CALN1: variants seen among roughly 807,000 people sequenced by gnomAD.
CALN1 encodes the protein calneuron 1.
CALN1 carries 17 observed loss-of-function variants against 30.6 expected under a neutral mutation model. That is an observed-to-expected ratio of 0.56 (90% CI 0.38 to 0.83). The LOEUF (loss-of-function observed/expected upper bound fraction) is 0.83. CALN1 is among the 40% of genes least tolerant of loss of function. The probability of loss-of-function intolerance (pLI) is 0.00; values close to 1 mark genes in which losing one functional copy is unlikely to be tolerated. For synonymous variants in CALN1, 156 were observed against 131.4 expected (o/e 1.19, Z -1.28); for missense variants, 291 against 354.9 (o/e 0.82, Z 1.45).
Position 71,787,807 on chromosome 7 carries a change from C to T in CALN1, c.754G>A (p.Ala252Thr), listed in dbSNP as rs922556161. 2 of 1,613,972 alleles carry T rather than the reference C, an allele frequency of 1.2e-6. No homozygotes were observed. The highest frequency in any genetic ancestry group is 2.7e-5 in the African/African-American group (2 of 74,926). Residue 252 changes from alanine (A) to threonine (T), a missense_variant, in exon 7 of 7, where the codon GCC becomes ACC. This residue lies in a region of CALN1 where 169 missense variants were observed against 251.7 expected (regional missense o/e 0.67). Transcript: ENST00000395275. ...ATGCCGCTCCGGAGTATCTGGTTGG[C>T]TGCAATCAGCATGACACTGATGATG... ...AFIISVMLIA[A>T]NQILRSGME is the part of the protein sequence containing the mutation.
intron 3 of CALN1, 59 bp from the exon 4 acceptor site, chr7:72,106,353 G>GT: frequency 1.2e-6 from 2 of 1,600,664 alleles, no homozygotes; most frequent in Non-Finnish European, 1.7e-6. Flanking sequence ...TTGCACTGCA[G>GT]TTATTGGTGA....
At chr7:72,103,933 G>A (rs1806891974) in intron 4 of CALN1, 1 of 152,214 alleles carries the variant, frequency 6.6e-6, no homozygotes, top group Non-Finnish European at 1.5e-5. Context: ...CTTAGAGGTA[G>A]TGAGGCAGTG....
chr7:71,945,668 C>T (rs577508200), intron 5 of CALN1, among the ~76,000 whole-genome samples: 2 of 152,170 alleles, frequency 1.3e-5, no homozygotes, highest in African/African-American at 4.8e-5. Flanking sequence ...GAATCTAATG[C>T]CTGATGATCT....
the CALN1 span, among the ~76,000 whole-genome samples, chr7:72,468,937 T>A: frequency 6.5e-4 from 99 of 152,356 alleles, no homozygotes; most frequent in East Asian, 0.017. Flanking sequence ...AAGAGTTTTT[T>A]AAATATATTC....
At chr7:71,914,189 T>C (rs1178697899) in intron 5 of CALN1, among the ~76,000 whole-genome samples, 1 of 152,172 alleles carries the variant, frequency 6.6e-6, no homozygotes, top group African/African-American at 2.4e-5. Flanking sequence ...TTTTTCCTGA[T>C]CCTCTCCCTC....
intron 4 of CALN1, among the ~76,000 whole-genome samples, chr7:72,045,996 C>CAAA (rs34011098): frequency 1.5e-3 from 138 of 90,716 alleles, no homozygotes; most frequent in East Asian, 5.5e-3. Context: ...GACTCCCTCT[C>CAAA]AAAAAAAAAA....
chr7:72,382,612 C>G (rs889417091), intron 2 of CALN1, among the ~76,000 whole-genome samples: 10 of 152,168 alleles, frequency 6.6e-5, no homozygotes, highest in African/African-American at 2.4e-4. Flanking sequence ...TTCCCCACCT[C>G]CCTCCCTTTC....
intron 2 of CALN1, among the ~76,000 whole-genome samples, chr7:72,367,426 C>A (rs1291828188): frequency 6.6e-6 from 1 of 152,034 alleles, no homozygotes; most frequent in African/African-American, 2.4e-5. Flanking sequence ...GAATTTGAGA[C>A]CAGCCTGGGC....
intron 4 of CALN1, among the ~76,000 whole-genome samples, chr7:72,081,508 C>T (rs13227792): frequency 0.23 from 34,411 of 150,922 alleles, 3,953 homozygotes; most frequent in Admixed American, 0.29. Flanking sequence ...CTACAGCCTC[C>T]AACTCCTGGG....
chr7:71,978,259 A>ATTTTTTTT (rs1584662365), intron 5 of CALN1, among the ~76,000 whole-genome samples: 1 of 115,624 alleles, frequency 8.6e-6, no homozygotes, highest in East Asian at 4.0e-4. Flanking sequence ...ACTCTAGAGA[A>ATTTTTTTT]TTCTTTTTTT....
At chr7:72,197,751 G>C (rs1337527750) in intron 3 of CALN1, among the ~76,000 whole-genome samples, 1 of 152,162 alleles carries the variant, frequency 6.6e-6, no homozygotes, top group Non-Finnish European at 1.5e-5. Flanking sequence ...TGCTACCTGG[G>C]AGGCTGAGGC....
At chr7:71,842,970 GA>G (rs1354918552) in intron 5 of CALN1, among the ~76,000 whole-genome samples, 2 of 152,102 alleles carry the variant, frequency 1.3e-5, no homozygotes, top group Non-Finnish European at 2.9e-5. Context: ...ATCAGTGAAG[GA>G]AAATCCTAGA....
At chr7:71,986,041 T>C (rs1339210881) in intron 5 of CALN1, among the ~76,000 whole-genome samples, 1 of 150,010 alleles carries the variant, frequency 6.7e-6, no homozygotes, top group African/African-American at 2.5e-5. Context: ...CGCATCAACA[T>C]GGATAAATCT....
intron 3 of CALN1, among the ~76,000 whole-genome samples, chr7:72,207,146 A>AG (rs1562736209): frequency 2.0e-5 from 3 of 152,326 alleles, no homozygotes; most frequent in Non-Finnish European, 4.4e-5. Context: ...ATGACTAGCA[A>AG]GGGCTCATTT....
chr7:72,415,412 G>A (rs1199223178), upstream of CALN1, among the ~76,000 whole-genome samples: 1 of 152,226 alleles, frequency 6.6e-6, no homozygotes, highest in African/African-American at 2.4e-5. Context: ...GTGCAAGGCG[G>A]TAGCCACGAC....
At chr7:71,920,677 T>C (rs894597696) in intron 5 of CALN1, among the ~76,000 whole-genome samples, 4 of 152,140 alleles carry the variant, frequency 2.6e-5, no homozygotes, top group Non-Finnish European at 4.4e-5. Flanking sequence ...AGTTGTAAAA[T>C]GGGCATAATA....
At chr7:72,116,016 T>C (rs977654301) in intron 3 of CALN1, among the ~76,000 whole-genome samples, 1 of 152,214 alleles carries the variant, frequency 6.6e-6, no homozygotes, top group African/African-American at 2.4e-5. Context: ...TTTTTATGGC[T>C]GAATAACAGT....
At chr7:71,874,306 T>C (rs1381599287) in intron 5 of CALN1, among the ~76,000 whole-genome samples, 1 of 137,310 alleles carries the variant, frequency 7.3e-6, no homozygotes, top group Admixed American at 7.2e-5. Flanking sequence ...AAAAAAAATC[T>C]AGATTCCCTC....
At chr7:71,811,388 T>G (rs1390726700) in intron 5 of CALN1, among the ~76,000 whole-genome samples, 1 of 152,010 alleles carries the variant, frequency 6.6e-6, no homozygotes, top group African/African-American at 2.4e-5. Context: ...TTACAATTTT[T>G]TGTAGGGACA....
Sources: gnomAD v4.1 joint callset for allele counts (sites outside exome capture counted in the v4.1 genomes callset) on GRCh38, gnomAD v4.1.1 for gene constraint, gnomAD v4.1.1 regional missense constraint, MANE v1.5 for transcripts, NCBI Gene and HGNC (gene_info 2026-07-23, HGNC 2026-07-21) for gene names.